Variants in BBOF1 observed in about 807,000 individuals in gnomAD.
BBOF1 encodes the protein basal body-orientation factor 1.
Under a neutral mutation model 68.0 loss-of-function variants are expected in BBOF1, and 62 were observed. The observed-to-expected ratio is 0.91, with a 90% CI of 0.74 to 1.13. The LOEUF is 1.13. BBOF1 is among the 50% of genes most tolerant of loss of function. BBOF1 has a pLI of 0.00. For missense variants in BBOF1, 534 were observed against 600.1 expected, an observed-to-expected ratio of 0.89 and a Z score of 1.15; for synonymous variants, 208 against 198.8, an observed-to-expected ratio of 1.05 and a Z score of -0.39.
intron 3 of BBOF1, chr14:74,031,995 AATT>A (rs2059580854): frequency 4.0e-5 from 6 of 151,894 alleles, no homozygotes; most frequent in Admixed American, 3.9e-4. Flanking sequence ...AAAAATATAT[AATT>A]TTTCTAGGTA....
At chr14:74,045,966 GT>G in intron 5 of BBOF1, 93 bp from the exon 6 acceptor site, 4 of 1,160,078 alleles carry the variant, frequency 3.4e-6, no homozygotes, top group Non-Finnish European at 3.6e-6. Flanking sequence ...GGGGACAGGA[GT>G]TTTTTATTTG....
chr14:74,028,509 C>A (rs202073645), intron 2 of BBOF1, among the ~76,000 whole-genome samples: 1 of 96,030 alleles, frequency 1.0e-5, no homozygotes, highest in African/African-American at 3.7e-5. Context: ...CACACACACA[C>A]ACAAATAGAG....
chr14:74,024,151 T>A (rs1007832560), intron 2 of BBOF1, among the ~76,000 whole-genome samples: 5 of 152,136 alleles, frequency 3.3e-5, no homozygotes, highest in South Asian at 2.1e-4. Flanking sequence ...GTCACACCCC[T>A]AGTGGGTGTT....
chr14:74,063,470 C>A (rs573633586), intron 11 of BBOF1, among the ~76,000 whole-genome samples: 50 of 152,062 alleles, frequency 3.3e-4, no homozygotes, highest in African/African-American at 1.1e-3. Context: ...CAGGCGTAAG[C>A]CACTGCACCT....
chr14:74,059,927 G>T (rs1185042156), intron 11 of BBOF1: 1 of 153,314 alleles, frequency 6.5e-6, no homozygotes, highest in East Asian at 1.9e-4. Flanking sequence ...GAGCAGAAAA[G>T]AAAGAAGCTG....
At chr14:74,056,618 G>A (rs2060214864) in intron 9 of BBOF1, among the ~76,000 whole-genome samples, 1 of 152,134 alleles carries the variant, frequency 6.6e-6, no homozygotes, top group Non-Finnish European at 1.5e-5. Context: ...TTACAGGCAT[G>A]AGCCACTGCC....
chr14:74,048,092 C>A lies in BBOF1; in HGVS notation c.792+18C>A, dbSNP rs923645262. Reference sequence around the variant, plus strand: ...ATCAAAAGGTTCCCTCTCATTTAGACTTGGTGTCCTTCTTTTCTTTATTTA... The same window carrying A: ...ATCAAAAGGTTCCCTCTCATTTAGAATTGGTGTCCTTCTTTTCTTTATTTA... On this transcript the variant is annotated intron_variant, in intron 7 of 11. Coordinates refer to ENST00000394009, the MANE Select transcript of BBOF1 (RefSeq NM_025057.3). The A allele has an allele frequency of 1.3e-6, 2 of 1,593,902 alleles. No homozygotes were observed. Among genetic ancestry groups the A allele is most frequent in the African/African-American group, 1.4e-5 (1 of 73,562 alleles).
intron 7 of BBOF1, among the ~76,000 whole-genome samples, chr14:74,049,379 T>TA (rs35753773): frequency 0.53 from 80,211 of 150,440 alleles, 22,076 homozygotes; most frequent in East Asian, 0.89. Flanking sequence ...CTGGAATGAT[T>TA]AAAAAAAAAA....
At position 74,052,174 on chromosome 14, in the gene BBOF1, C is replaced by T. The variant is rs80022943; in HGVS notation, c.1286+1979C>T. Among the ~76,000 whole-genome samples the T allele has an allele frequency of 7.2e-3, 1,090 of 151,734 alleles. 59 individuals carry two copies. The highest frequency in any genetic ancestry group is 0.026 in the African/African-American group (1,048 of 41,082). ...AGTTTTCTTTATATCCTTTTGTTTA[C>T]GAAATAGTAAGTGTTATACATTTTC... On this transcript the variant is annotated intron_variant, in intron 8 of 11. Transcript: ENST00000394009.
chr14:74,025,123 ATAAAG>A (rs1566789726), intron 2 of BBOF1, among the ~76,000 whole-genome samples: 1 of 152,166 alleles, frequency 6.6e-6, no homozygotes, highest in Non-Finnish European at 1.5e-5. Flanking sequence ...ATTGCCCTCT[ATAAAG>A]TATTGTTCTA....
At chr14:74,026,122 C>CA (rs1478434770) in intron 2 of BBOF1, among the ~76,000 whole-genome samples, 1 of 134,400 alleles carries the variant, frequency 7.4e-6, no homozygotes, top group Non-Finnish European at 1.6e-5. Context: ...GCCTGGGCAA[C>CA]AGAGTGAGAC....
At chr14:74,054,317 CT>C (rs940724010) in intron 8 of BBOF1, among the ~76,000 whole-genome samples, 7 of 144,208 alleles carry the variant, frequency 4.9e-5, no homozygotes, top group Admixed American at 3.5e-4. Context: ...GCCTAAACAA[CT>C]TTTTTTTTCT....
At chr14:74,022,457 T>C (rs2140939717) in intron 1 of BBOF1, among the ~76,000 whole-genome samples, 1 of 152,000 alleles carries the variant, frequency 6.6e-6, no homozygotes, top group South Asian at 2.1e-4. Flanking sequence ...CTGAGGTGGG[T>C]GGATGGCTTG....
At chr14:74,071,675 T>C in intron 9 of BBOF1, 7 of 1,515,972 alleles carry the variant, frequency 4.6e-6, no homozygotes, top group Non-Finnish European at 6.2e-6. Flanking sequence ...ATGGGAAAAA[T>C]ACAGCGATAT....
intron 9 of BBOF1, among the ~76,000 whole-genome samples, chr14:74,073,476 A>G (rs1330085202): frequency 6.6e-6 from 1 of 152,306 alleles, no homozygotes; most frequent in Admixed American, 6.5e-5. Flanking sequence ...ATTCCCTGCT[A>G]TTCACACAGT....
At chr14:74,043,556 CAAAAAAAAAA>C (rs1162364604) in intron 5 of BBOF1, among the ~76,000 whole-genome samples, 4 of 26,824 alleles carry the variant, frequency 1.5e-4, no homozygotes, top group African/African-American at 3.9e-4. Flanking sequence ...GACTCCGTCT[CAAAAAAAAAA>C]AAAAAAAAAA....
chr14:74,056,557 A>G (rs1479774819), intron 9 of BBOF1, among the ~76,000 whole-genome samples: 1 of 152,064 alleles, frequency 6.6e-6, no homozygotes, highest in African/African-American at 2.4e-5. Flanking sequence ...GCTGGTCACA[A>G]ACTCCTGACC....
intron 11 of BBOF1, among the ~76,000 whole-genome samples, chr14:74,061,037 G>A (rs927796981): frequency 3.3e-5 from 5 of 152,050 alleles, no homozygotes; most frequent in African/African-American, 9.7e-5. Context: ...GAGTGCAGTG[G>A]CATGATCTCA....
intron 8 of BBOF1, among the ~76,000 whole-genome samples, chr14:74,051,161 T>A (rs1441028357): frequency 1.3e-5 from 2 of 151,666 alleles, no homozygotes; most frequent in African/African-American, 4.9e-5. Flanking sequence ...GGAGAATCAT[T>A]TGAATCCAGG....
Sources: gnomAD v4.1 joint callset for allele counts (sites outside exome capture counted in the v4.1 genomes callset) on GRCh38, gnomAD v4.1.1 for gene constraint, MANE v1.5 for transcripts, NCBI Gene and HGNC (gene_info 2026-07-23, HGNC 2026-07-21) for gene names.